Variants in NKIRAS1 observed in about 807,000 individuals in gnomAD.
NKIRAS1 encodes the protein NFKB inhibitor interacting Ras like 1, also known as NF-kappa-B inhibitor-interacting Ras-like protein 1.
A neutral mutation model predicts 19.8 loss-of-function variants in NKIRAS1; 16 were observed. That is an observed-to-expected ratio of 0.81 (90% CI 0.55 to 1.23). The LOEUF (loss-of-function observed/expected upper bound fraction) is 1.23. Among genes scored for constraint, NKIRAS1 ranks in the 50% most tolerant of loss-of-function variants. NKIRAS1 has a pLI of 0.00. For missense variants in NKIRAS1, 184 were observed against 220.0 expected (o/e 0.84, Z 1.04); for synonymous variants, 88 against 79.0 (o/e 1.11, Z -0.61).
intron 1 of NKIRAS1, among the ~76,000 whole-genome samples, chr3:23,914,511 A>T (rs1280947134): frequency 6.6e-6 from 1 of 152,262 alleles, no homozygotes; most frequent in Non-Finnish European, 1.5e-5. Context: ...ATATATTTAC[A>T]TACATAAAAA....
At chr3:23,897,122 G>A (rs188102399) in intron 4 of NKIRAS1, among the ~76,000 whole-genome samples, 41 of 152,142 alleles carry the variant, frequency 2.7e-4, no homozygotes, top group Middle Eastern at 3.4e-3. Context: ...TGAGGCAGGA[G>A]GTCACTGGAG....
At chr3:23,931,533 C>A (rs1705315647) in intron 1 of NKIRAS1, among the ~76,000 whole-genome samples, 1 of 152,096 alleles carries the variant, frequency 6.6e-6, no homozygotes, top group Non-Finnish European at 1.5e-5. Flanking sequence ...CCCTTCCCTG[C>A]TTTATTTGTC....
At chr3:23,932,280 C>A (rs969456540) in intron 1 of NKIRAS1, among the ~76,000 whole-genome samples, 6 of 152,066 alleles carry the variant, frequency 3.9e-5, no homozygotes, top group African/African-American at 1.4e-4. Context: ...ATAATGAAAT[C>A]CCAGTTATTT....
chr3:23,928,300 A>G (rs1705245199), intron 1 of NKIRAS1, among the ~76,000 whole-genome samples: 1 of 97,504 alleles, frequency 1.0e-5, no homozygotes, highest in African/African-American at 3.6e-5. Context: ...AAAAATAAAT[A>G]AATAAATAAA....
chr3:23,924,884 T>G (rs1364290282), intron 1 of NKIRAS1, among the ~76,000 whole-genome samples: 2 of 152,216 alleles, frequency 1.3e-5, no homozygotes, highest in Non-Finnish European at 2.9e-5. Context: ...CCTCCAAATT[T>G]CAGTGGCTTA....
At chr3:23,912,472 A>T (rs1343843793) in intron 1 of NKIRAS1, among the ~76,000 whole-genome samples, 1 of 152,236 alleles carries the variant, frequency 6.6e-6, no homozygotes, top group Non-Finnish European at 1.5e-5. Flanking sequence ...AGAGAAATGC[A>T]AATCAAAACC....
chr3:23,901,273 G>C (rs1702496898), intron 3 of NKIRAS1, among the ~76,000 whole-genome samples: 1 of 151,416 alleles, frequency 6.6e-6, no homozygotes, highest in Non-Finnish European at 1.5e-5. Context: ...CCGCCACCTG[G>C]GCTCAAGGGA....
upstream of NKIRAS1, chr3:23,918,082 T>C: frequency 1.9e-6 from 3 of 1,573,486 alleles, no homozygotes; most frequent in Non-Finnish European, 2.6e-6. Context: ...TCGAGAAAAG[T>C]TGGAAACCAG....
At chr3:23,941,953 AAT>A (rs1416875334) in intron 1 of NKIRAS1, among the ~76,000 whole-genome samples, 1 of 149,566 alleles carries the variant, frequency 6.7e-6, no homozygotes, top group Non-Finnish European at 1.5e-5. Context: ...TACAATTTTA[AAT>A]AGTCTTTATT....
chr3:23,946,053 G>T (rs1705686976), intron 1 of NKIRAS1: 3 of 970,308 alleles, frequency 3.1e-6, no homozygotes, highest in Middle Eastern at 5.2e-4. Context: ...GCGCTGGCTG[G>T]GAGCGCCGCA....
At chr3:23,904,576 C>T (rs960194182) in intron 3 of NKIRAS1, among the ~76,000 whole-genome samples, 7 of 152,144 alleles carry the variant, frequency 4.6e-5, no homozygotes, top group African/African-American at 1.4e-4. Flanking sequence ...AATACTGTTA[C>T]ATTGGAGATT....
chr3:23,916,068 A>G (rs1484368701), intron 1 of NKIRAS1: 1 of 152,204 alleles, frequency 6.6e-6, no homozygotes, highest in Non-Finnish European at 1.5e-5. Context: ...TGTTGAATCA[A>G]TCAATGAACC....
intron 4 of NKIRAS1, among the ~76,000 whole-genome samples, chr3:23,893,711 C>T (rs1701674431): frequency 2.0e-5 from 3 of 148,308 alleles, no homozygotes; most frequent in Middle Eastern, 7.2e-3. Context: ...GCAGGAGAAT[C>T]GCTGGAACCC....
rs180710459 is a variant in NKIRAS1, at chr3:23,901,190, T to C, written c.95-141A>G. On this transcript the variant is annotated intron_variant, in intron 3 of 4. Transcript: ENST00000425478. ...ACATTTCTATTTTACTTTTTTTTTT[T>C]TTTTTTGAAACAGGGTCCTGTTCTG... is the stretch of plus-strand genomic sequence containing the variant. 475 of 1,031,894 alleles carry C rather than the reference T, an allele frequency of 4.6e-4. 4 individuals are homozygous for C. In the East Asian group the frequency reaches 0.012, roughly 26 times the overall value. The allele number at this position is 1,031,894 out of a possible 1,614,324, so 63.9% of individuals were successfully genotyped here.
At position 23,930,149 on chromosome 3, in the gene NKIRAS1, G is replaced by A. The variant is rs555820240; in HGVS notation, c.-140+16174C>T. On this transcript the variant is annotated intron_variant, in intron 1 of 4. Transcript: ENST00000421515. ...AGAACCCAGATCTGGAAGAACATGG[G>A]GAATCCAGAGAGAGTGTCACATTGA... Among the ~76,000 whole-genome samples the A allele has an allele frequency of 3.3e-5, 5 of 152,270 alleles. No homozygotes were observed. The East Asian group carries it at 7.7e-4, about 23-fold the overall frequency.
intron 1 of NKIRAS1, chr3:23,946,032 C>G (rs1267987542): frequency 1.3e-5 from 9 of 667,494 alleles, no homozygotes; most frequent in African/African-American, 3.9e-5. Context: ...GGGGCGGGGG[C>G]GCGCGCGCGC....
intron 1 of NKIRAS1, among the ~76,000 whole-genome samples, chr3:23,937,801 C>G (rs1705422600): frequency 6.6e-6 from 1 of 152,088 alleles, no homozygotes; most frequent in Non-Finnish European, 1.5e-5. Context: ...CCACTCTATT[C>G]AATGAAGTAT....
chr3:23,893,148 T>C lies in NKIRAS1; in HGVS notation c.526A>G (p.Ser176Gly), dbSNP rs202127637. 600 of 1,596,388 alleles carry C rather than the reference T, an allele frequency of 3.8e-4. 3 individuals are homozygous for C. Among genetic ancestry groups the C allele is most frequent in the South Asian group, 1.4e-3 (120 of 87,514 alleles). The change falls in exon 5 of 5, where the codon AGC becomes GGC. Residue 176 changes from serine to glycine, a missense_variant. Transcript: ENST00000425478. The stretch of plus-strand genomic sequence containing the variant: ...TTTTTCCTCCCAGGCAAAGGAAAGC[T>C]TGATTTGCTCTGGGGTTGAGAAAGT... Reference protein sequence around the residue: ...SKLSQPQSKSSFPLPGRKNKG... With the variant: ...SKLSQPQSKSGFPLPGRKNKG...
chr3:23,911,496 T>G (rs913097668), intron 1 of NKIRAS1, 46 bp from the exon 2 acceptor site: 1 of 152,836 alleles, frequency 6.5e-6, no homozygotes, highest in Admixed American at 6.5e-5. Context: ...TATGAATACA[T>G]CTTTGTTTTC....
Sources: gnomAD v4.1 joint callset for allele counts (sites outside exome capture counted in the v4.1 genomes callset) on GRCh38, gnomAD v4.1.1 for gene constraint, MANE v1.5 for transcripts, NCBI Gene and HGNC (gene_info 2026-07-23, HGNC 2026-07-21) for gene names.